The following RGS7 variants were observed in gnomAD, a reference collection of about 807,000 sequenced individuals.
The protein encoded by RGS7 is regulator of G protein signaling 7.
In RGS7, 27 loss-of-function variants were observed where a neutral mutation model predicts 81.1. The ratio of observed to expected loss-of-function variants is 0.33; its 90% CI spans 0.25 to 0.46. The LOEUF is 0.46. RGS7 is among the 20% of genes least tolerant of loss of function. RGS7 has a pLI of 1.00. For synonymous variants in RGS7, 208 were observed against 207.7 expected (o/e 1.00, Z -0.01); for missense variants, 396 against 607.4 (o/e 0.65, Z 3.66).
At chr1:240,846,737 C>A (rs950754507) in intron 9 of RGS7, among the ~76,000 whole-genome samples, 1 of 152,082 alleles carries the variant, frequency 6.6e-6, no homozygotes, top group Non-Finnish European at 1.5e-5. Context: ...GATGACATAC[C>A]ACTTATGAGA....
At chr1:240,787,733 G>A (rs1685303909) in intron 18 of RGS7, among the ~76,000 whole-genome samples, 1 of 152,084 alleles carries the variant, frequency 6.6e-6, no homozygotes, top group Admixed American at 6.6e-5. Context: ...AAATTTAGTG[G>A]AAAGAAGGGT....
chr1:241,262,962 G>A (rs2077412084), intron 2 of RGS7, among the ~76,000 whole-genome samples: 1 of 152,148 alleles, frequency 6.6e-6, no homozygotes, highest in South Asian at 2.1e-4. Flanking sequence ...AGCCAGGCAT[G>A]GTGGCGGACA....
At chr1:240,908,269 G>C (rs1671175103) in intron 6 of RGS7, among the ~76,000 whole-genome samples, 1 of 151,920 alleles carries the variant, frequency 6.6e-6, no homozygotes, top group African/African-American at 2.4e-5. Flanking sequence ...AATGGGTGCA[G>C]TGAACCAACA....
At chr1:241,000,270 G>A (rs1358016005) in intron 3 of RGS7, among the ~76,000 whole-genome samples, 6 of 152,142 alleles carry the variant, frequency 3.9e-5, no homozygotes, top group Admixed American at 6.5e-5. Flanking sequence ...GGGATGGGGC[G>A]GGGTGAGGGA....
At chr1:241,120,346 A>AT (rs1263820272) in intron 2 of RGS7, among the ~76,000 whole-genome samples, 1 of 151,820 alleles carries the variant, frequency 6.6e-6, no homozygotes, top group Non-Finnish European at 1.5e-5. Flanking sequence ...TGTATTTGTA[A>AT]TTTTTTTTGT....
chr1:240,839,764 C>G (rs766224736), intron 9 of RGS7, among the ~76,000 whole-genome samples: 48 of 152,104 alleles, frequency 3.2e-4, no homozygotes, highest in Non-Finnish European at 7.1e-4. Context: ...AGATTCATTG[C>G]TAATTTTGGT....
chr1:240,823,267 C>A, intron 10 of RGS7: 1 of 646,998 alleles, frequency 1.5e-6, no homozygotes, highest in East Asian at 3.0e-5. Context: ...AAGGCCATCT[C>A]CACTTCCGAC....
chr1:241,183,164 A>AG (rs1217819822), intron 2 of RGS7, among the ~76,000 whole-genome samples: 2 of 152,200 alleles, frequency 1.3e-5, no homozygotes, highest in African/African-American at 4.8e-5. Context: ...TGGACATACA[A>AG]GTAGACCATG....
At chr1:240,779,976 CT>C (rs1485250421) in intron 18 of RGS7, among the ~76,000 whole-genome samples, 1 of 152,144 alleles carries the variant, frequency 6.6e-6, no homozygotes, top group Non-Finnish European at 1.5e-5. Context: ...AATCATACTG[CT>C]TTTCCACCCC....
intron 2 of RGS7, among the ~76,000 whole-genome samples, chr1:241,109,920 T>G (rs1320686408): frequency 6.6e-6 from 1 of 152,036 alleles, no homozygotes; most frequent in Non-Finnish European, 1.5e-5. Context: ...ATTATGCCAC[T>G]GCACTCCAGT....
At chr1:240,963,480 G>A (rs1199098554) in intron 4 of RGS7, among the ~76,000 whole-genome samples, 2 of 152,238 alleles carry the variant, frequency 1.3e-5, no homozygotes, top group African/African-American at 2.4e-5. Flanking sequence ...TAAGATGGAG[G>A]GTGATGAAGT....
chr1:240,894,720 TTA>T (rs1261528842), intron 6 of RGS7, among the ~76,000 whole-genome samples: 2 of 152,154 alleles, frequency 1.3e-5, no homozygotes, highest in Non-Finnish European at 2.9e-5. Context: ...AAAATATTAT[TTA>T]GATTATTCTA....
chr1:241,050,613 G>A (rs1470457371), intron 3 of RGS7, among the ~76,000 whole-genome samples: 1 of 152,008 alleles, frequency 6.6e-6, no homozygotes, highest in Non-Finnish European at 1.5e-5. Flanking sequence ...AACTGCACAG[G>A]TCTGCTTATC....
Position 241,135,812 on chromosome 1 carries a change from G to A in RGS7, c.79-37050C>T, listed in dbSNP as rs190240327. Among the ~76,000 whole-genome samples the A allele has an allele frequency of 5.8e-3, 880 of 151,598 alleles. 5 individuals carry two copies. Among genetic ancestry groups the A allele is most frequent in the African/African-American group, 0.02 (825 of 41,304 alleles). On this transcript the variant is annotated intron_variant, in intron 2 of 18. Transcript: ENST00000440928. ...TATTATTTTTTTTTGAGACAGAGTTGCCCAGGCTAGAGTGCAATGGCGGGA... is the reference window on the plus strand; with the variant it reads ...TATTATTTTTTTTTGAGACAGAGTTACCCAGGCTAGAGTGCAATGGCGGGA...
intron 2 of RGS7, among the ~76,000 whole-genome samples, chr1:241,181,327 C>T (rs1469007806): frequency 1.3e-5 from 2 of 152,132 alleles, no homozygotes; most frequent in Non-Finnish European, 2.9e-5. Context: ...TAGGAGAAGT[C>T]TTTATAGCTT....
At chr1:241,102,441 C>T (rs61273273) in intron 2 of RGS7, among the ~76,000 whole-genome samples, 19,069 of 152,132 alleles carry the variant, frequency 0.13, 1,384 homozygotes, top group African/African-American at 0.18. Flanking sequence ...AGCCTTTCTT[C>T]CCTAAGGGGC....
intron 5 of RGS7, among the ~76,000 whole-genome samples, chr1:240,934,190 G>A (rs367582241): frequency 1.3e-5 from 2 of 151,966 alleles, no homozygotes; most frequent in African/African-American, 2.4e-5. Context: ...TCTCAATCTC[G>A]ACCTCATGAT....
chr1:241,329,885 AT>A (rs1451633591), intron 2 of RGS7, among the ~76,000 whole-genome samples: 1 of 152,078 alleles, frequency 6.6e-6, no homozygotes, highest in African/African-American at 2.4e-5. Flanking sequence ...GTGCTAATCA[AT>A]AAGTCAATAA....
At chr1:240,894,332 T>C (rs369086305) in intron 6 of RGS7, among the ~76,000 whole-genome samples, 22 of 152,326 alleles carry the variant, frequency 1.4e-4, no homozygotes, top group African/African-American at 4.8e-4. Flanking sequence ...TGAGGATTTA[T>C]GTCCTTGTTC....
Sources: gnomAD v4.1 joint callset for allele counts (sites outside exome capture counted in the v4.1 genomes callset) on GRCh38, gnomAD v4.1.1 for gene constraint, MANE v1.5 for transcripts, NCBI Gene and HGNC (gene_info 2026-07-23, HGNC 2026-07-21) for gene names.